The following BAIAP2L1 variants were observed in gnomAD, a reference collection of about 807,000 sequenced individuals.
The protein encoded by BAIAP2L1 is BAR/IMD domain-containing adapter protein 2-like 1.
BAIAP2L1 carries 35 observed loss-of-function variants against 66.3 expected under a neutral mutation model. That is an observed-to-expected ratio of 0.53 (90% CI 0.40 to 0.70). The LOEUF (loss-of-function observed/expected upper bound fraction) is 0.70. Ranked by LOEUF, BAIAP2L1 falls within the 30% of genes least tolerant of loss-of-function variation. The pLI is 0.00. For synonymous variants in BAIAP2L1, 269 were observed against 248.7 expected (o/e 1.08, Z -0.77); for missense variants, 622 against 656.9 (o/e 0.95, Z 0.58).
At chr7:98,338,416 C>T (rs1173949090) in intron 3 of BAIAP2L1, among the ~76,000 whole-genome samples, 24 of 132,262 alleles carry the variant, frequency 1.8e-4, no homozygotes, top group African/African-American at 8.0e-5. Context: ...AGCAAGACTC[C>T]GTCTTAAAAA....
At chr7:98,385,565 C>T (rs1802866522) in intron 1 of BAIAP2L1, among the ~76,000 whole-genome samples, 1 of 151,730 alleles carries the variant, frequency 6.6e-6, no homozygotes, top group African/African-American at 2.4e-5. Flanking sequence ...CCACACGCCC[C>T]CATGCCCAGT....
At chr7:98,293,640 G>C in intron 13 of BAIAP2L1, 44 bp from the exon 14 acceptor site, 1 of 1,577,008 alleles carries the variant, frequency 6.3e-7, no homozygotes, top group Non-Finnish European at 8.7e-7. Flanking sequence ...TGCTCTACGA[G>C]GGAAACTGGA....
intron 3 of BAIAP2L1, among the ~76,000 whole-genome samples, chr7:98,336,843 TGTG>T (rs1241567655): frequency 1.3e-5 from 2 of 152,200 alleles, no homozygotes; most frequent in Non-Finnish European, 2.9e-5. Context: ...CCGTGAGTTT[TGTG>T]GTGAATATTT....
In BAIAP2L1 at chr7:98,293,526, G is replaced by T; in HGVS notation, c.1531C>A (p.Arg511=). ...VTNDRSAPII[R] ...GAGAGTCCTTGGCTGTCCTCTCATC[G>T]AATGATGGGTGCCGAGCGATCATTC... The change falls in exon 14 of 14, where the codon CGA becomes AGA. Residue 511 remains arginine, a synonymous_variant. Coordinates refer to ENST00000005260, the MANE Select transcript of BAIAP2L1 (RefSeq NM_018842.5). 2 of 1,613,216 alleles carry T rather than the reference G, an allele frequency of 1.2e-6. No homozygotes were observed. The highest frequency in any genetic ancestry group is 1.7e-6 in the Non-Finnish European group (2 of 1,179,634).
At chr7:98,339,406 C>T (rs528573663) in intron 3 of BAIAP2L1, among the ~76,000 whole-genome samples, 1 of 152,294 alleles carries the variant, frequency 6.6e-6, no homozygotes, top group African/African-American at 2.4e-5. Context: ...GGCACTCTTA[C>T]TTTTAACAGT....
At chr7:98,380,362 T>C (rs1182143431) in intron 1 of BAIAP2L1, among the ~76,000 whole-genome samples, 2 of 152,062 alleles carry the variant, frequency 1.3e-5, no homozygotes, top group African/African-American at 4.8e-5. Flanking sequence ...TCACTGGACT[T>C]ACGGTTCCAC....
At chr7:98,352,715 T>C (rs1041348013) in intron 3 of BAIAP2L1, among the ~76,000 whole-genome samples, 7 of 152,196 alleles carry the variant, frequency 4.6e-5, no homozygotes, top group Non-Finnish European at 8.8e-5. Context: ...CACAAAATAC[T>C]TTCCTCACTG....
chr7:98,346,563 T>C (rs984152038), intron 3 of BAIAP2L1, among the ~76,000 whole-genome samples: 2 of 152,084 alleles, frequency 1.3e-5, no homozygotes, highest in Non-Finnish European at 2.9e-5. Flanking sequence ...ATATCCAAGG[T>C]ACTCTCAAAT....
In BAIAP2L1 at chr7:98,292,607, G is replaced by T; in HGVS notation, c.*914C>A. ...AGGGCCAGGTTCCGAGGGCATCATG[G>T]CTGCTAGGCTGAAAAACCCGCCCTT... On this transcript the variant is annotated 3_prime_UTR_variant, in exon 14 of 14. Coordinates refer to ENST00000005260, the MANE Select transcript of BAIAP2L1 (RefSeq NM_018842.5). 6.5e-7 allele frequency: 1 copy of T among 1,549,900 alleles called. No homozygotes were observed. The highest frequency in any genetic ancestry group is 1.2e-5 in the South Asian group (1 of 84,028).
intron 10 of BAIAP2L1, 55 bp from the exon 11 acceptor site, chr7:98,306,571 C>A (rs780413594): frequency 6.2e-7 from 1 of 1,613,184 alleles, no homozygotes; most frequent in South Asian, 1.1e-5. Context: ...TGGACGGCAA[C>A]CTCCCTGAAC....
intron 12 of BAIAP2L1, among the ~76,000 whole-genome samples, chr7:98,299,695 T>A (rs955968573): frequency 6.6e-6 from 1 of 152,216 alleles, no homozygotes; most frequent in Non-Finnish European, 1.5e-5. Flanking sequence ...CTATTTTGTA[T>A]GATCTATTCC....
chr7:98,374,188 ATCC>A (rs769091583), intron 1 of BAIAP2L1, among the ~76,000 whole-genome samples: 4 of 152,112 alleles, frequency 2.6e-5, no homozygotes, highest in Non-Finnish European at 4.4e-5. Flanking sequence ...GACTCAAGCA[ATCC>A]TCCTACCTCA....
chr7:98,297,792 C>T (rs1011882434), intron 12 of BAIAP2L1, among the ~76,000 whole-genome samples: 2 of 152,200 alleles, frequency 1.3e-5, no homozygotes, highest in African/African-American at 4.8e-5. Context: ...GGGGCACTGG[C>T]GGCTCTCAGG....
intron 8 of BAIAP2L1, 141 bp from the exon 9 acceptor site, chr7:98,310,733 C>T: frequency 1.5e-6 from 1 of 667,808 alleles, no homozygotes. Flanking sequence ...GTTGCCCAGG[C>T]TGGAGTACAG....
At chr7:98,378,834 ACT>A (rs1802691503) in intron 1 of BAIAP2L1, among the ~76,000 whole-genome samples, 1 of 141,824 alleles carries the variant, frequency 7.1e-6, no homozygotes, top group Non-Finnish European at 1.5e-5. Context: ...CAGAAGGCTC[ACT>A]CTTTTTTTTT....
chr7:98,348,489 C>T (rs1430019834), intron 3 of BAIAP2L1, among the ~76,000 whole-genome samples: 1 of 151,022 alleles, frequency 6.6e-6, no homozygotes, highest in Non-Finnish European at 1.5e-5. Context: ...ATCGCTTGAA[C>T]CCGGGAAGCA....
At chr7:98,336,324 C>T (rs1013761434) in intron 3 of BAIAP2L1, among the ~76,000 whole-genome samples, 1 of 152,086 alleles carries the variant, frequency 6.6e-6, no homozygotes, top group African/African-American at 2.4e-5. Context: ...TAAATAAATG[C>T]ATAAATAGGC....
chr7:98,313,061 G>C (rs1467450609), intron 7 of BAIAP2L1, among the ~76,000 whole-genome samples: 1 of 151,612 alleles, frequency 6.6e-6, no homozygotes, highest in East Asian at 2.0e-4. Flanking sequence ...AAGAGTGGTG[G>C]GGGGCTGATG....
chr7:98,293,305 T>G lies in BAIAP2L1; in HGVS notation c.*216A>C, dbSNP rs535457905. 1.5e-5 allele frequency: 7 copies of G among 476,552 alleles called. No individual in the cohort carries two copies. The highest frequency in any genetic ancestry group is 9.7e-5 in the African/African-American group (5 of 51,546). 29.5% of individuals were successfully genotyped at this position (476,552 alleles called of 1,614,324 possible). On this transcript the variant is annotated 3_prime_UTR_variant, in exon 14 of 14. Coordinates refer to ENST00000005260, the MANE Select transcript of BAIAP2L1 (RefSeq NM_018842.5). ...ATAGGAAGAAAATATTTTAAATGGCTGAGCTGGTCATTAGACTATTACTCA... is the reference window on the plus strand; with the variant it reads ...ATAGGAAGAAAATATTTTAAATGGCGGAGCTGGTCATTAGACTATTACTCA...
Sources: gnomAD v4.1 joint callset for allele counts (sites outside exome capture counted in the v4.1 genomes callset) on GRCh38, gnomAD v4.1.1 for gene constraint, MANE v1.5 for transcripts, NCBI Gene and HGNC (gene_info 2026-07-23, HGNC 2026-07-21) for gene names.